Variants in EPM2A observed in about 807,000 individuals in gnomAD.
The protein encoded by EPM2A is EPM2A glucan phosphatase, laforin.
In EPM2A, 21 loss-of-function variants were observed where a neutral mutation model predicts 26.5. The ratio of observed to expected loss-of-function variants is 0.79; its 90% CI spans 0.56 to 1.14. The LOEUF is 1.14. EPM2A is among the 50% of genes most tolerant of loss of function. EPM2A has a pLI of 0.00. For missense variants in EPM2A, 458 were observed against 440.8 expected (o/e 1.04, Z -0.35); for synonymous variants, 217 against 177.6 (o/e 1.22, Z -1.76).
intron 1 of EPM2A, chr6:145,706,073 T>C: frequency 2.5e-6 from 1 of 405,234 alleles, no homozygotes; most frequent in South Asian, 1.8e-5. Flanking sequence ...TGACTACATA[T>C]TAGACAAGTA....
intron 2 of EPM2A, among the ~76,000 whole-genome samples, chr6:145,599,334 G>A (rs1316999125): frequency 6.6e-6 from 1 of 151,346 alleles, no homozygotes; most frequent in Non-Finnish European, 1.5e-5. Context: ...CTCCCTTTAG[G>A]TAATTTCTAC....
At chr6:145,548,315 A>G (rs767413656) in intron 2 of EPM2A, among the ~76,000 whole-genome samples, 9 of 152,142 alleles carry the variant, frequency 5.9e-5, no homozygotes, top group Non-Finnish European at 1.0e-4. Context: ...TGTAGCCTCA[A>G]ACATTTGCTC....
At chr6:145,695,259 A>C (rs1483700337) in intron 1 of EPM2A, among the ~76,000 whole-genome samples, 1 of 151,596 alleles carries the variant, frequency 6.6e-6, no homozygotes, top group Non-Finnish European at 1.5e-5. Flanking sequence ...GTTTTATGTA[A>C]ACCTCATGGT....
chr6:145,686,067 G>T, intron 2 of EPM2A, 55 bp downstream of exon 2: 3 of 1,486,064 alleles, frequency 2.0e-6, no homozygotes, highest in Non-Finnish European at 2.8e-6. Flanking sequence ...TTTCCATTGT[G>T]CTAATGCTAT....
chr6:145,443,992 T>G (rs1779100109), intron 4 of EPM2A, among the ~76,000 whole-genome samples: 1 of 152,220 alleles, frequency 6.6e-6, no homozygotes, highest in African/African-American at 2.4e-5. Flanking sequence ...CTCTTTATTT[T>G]CTTTTGTAAA....
At chr6:145,619,982 A>G (rs1775597666) in intron 2 of EPM2A, among the ~76,000 whole-genome samples, 1 of 152,230 alleles carries the variant, frequency 6.6e-6, no homozygotes, top group Non-Finnish European at 1.5e-5. Context: ...ACATATAAAC[A>G]TGGCTTAAGC....
intron 2 of EPM2A, among the ~76,000 whole-genome samples, chr6:145,678,581 T>C (rs1780249259): frequency 6.6e-6 from 1 of 151,934 alleles, no homozygotes; most frequent in South Asian, 2.1e-4. Context: ...CATCAAAAAG[T>C]GGGCAAAGGA....
At chr6:145,707,047 G>C (rs1782260693) in intron 1 of EPM2A, among the ~76,000 whole-genome samples, 1 of 152,182 alleles carries the variant, frequency 6.6e-6, no homozygotes, top group African/African-American at 2.4e-5. Flanking sequence ...TGGAAACAAA[G>C]AGAAAGCCAA....
intron 2 of EPM2A, among the ~76,000 whole-genome samples, chr6:145,529,472 AG>A (rs1434089363): frequency 6.6e-6 from 1 of 152,188 alleles, no homozygotes; most frequent in Admixed American, 6.6e-5. Context: ...ATAGCAAAAA[AG>A]GTTATGACTC....
chr6:145,531,881 T>G (rs1390005555), intron 2 of EPM2A, among the ~76,000 whole-genome samples: 1 of 152,192 alleles, frequency 6.6e-6, no homozygotes, highest in East Asian at 1.9e-4. Context: ...CCTGTTACAC[T>G]CTATTAAGCT....
intron 4 of EPM2A, among the ~76,000 whole-genome samples, chr6:145,389,211 T>C (rs933168698): frequency 6.6e-6 from 1 of 151,924 alleles, no homozygotes; most frequent in African/African-American, 2.4e-5. Flanking sequence ...TTTTCTTTTT[T>C]TTTTTTTAAG....
downstream of EPM2A, among the ~76,000 whole-genome samples, chr6:145,499,201 C>A (rs1779857942): frequency 6.6e-6 from 1 of 152,218 alleles, no homozygotes; most frequent in Admixed American, 6.5e-5. Flanking sequence ...ACATGGCATA[C>A]ATGGCTTTTC....
At chr6:145,559,711 C>T (rs1170244380) in intron 2 of EPM2A, among the ~76,000 whole-genome samples, 2 of 143,728 alleles carry the variant, frequency 1.4e-5, no homozygotes, top group Non-Finnish European at 3.0e-5. Flanking sequence ...GCTATTAACA[C>T]GTAAACACCA....
chr6:145,657,062 A>C (rs896555201), intron 2 of EPM2A, among the ~76,000 whole-genome samples: 1 of 151,530 alleles, frequency 6.6e-6, no homozygotes, highest in Non-Finnish European at 1.5e-5. Flanking sequence ...AATTATAATA[A>C]GGAAAAAAAT....
chr6:145,569,675 T>C (rs1780929834), intron 2 of EPM2A, among the ~76,000 whole-genome samples: 1 of 152,228 alleles, frequency 6.6e-6, no homozygotes, highest in African/African-American at 2.4e-5. Flanking sequence ...TGCATTTATA[T>C]GGCCAGATTT....
At chr6:145,632,954 A>G (rs6570701) in intron 3 of EPM2A, among the ~76,000 whole-genome samples, 69,167 of 152,014 alleles carry the variant, frequency 0.46, 16,311 homozygotes, top group African/African-American at 0.55. Context: ...CTCAAATGCC[A>G]CTGCACTGTC....
chr6:145,420,111 T>A (rs2114682632), intron 4 of EPM2A, among the ~76,000 whole-genome samples: 1 of 152,246 alleles, frequency 6.6e-6, no homozygotes, highest in African/African-American at 2.4e-5. Flanking sequence ...ATATGCTTGA[T>A]TTTAATTAAA....
chr6:145,397,058 T>A (rs1290167614), intron 4 of EPM2A, among the ~76,000 whole-genome samples: 2 of 152,208 alleles, frequency 1.3e-5, no homozygotes, highest in Non-Finnish European at 2.9e-5. Context: ...ACATTTCATG[T>A]GTCCTGCCTA....
chr6:145,575,299 C>T (rs1781015776), intron 2 of EPM2A, among the ~76,000 whole-genome samples: 1 of 152,160 alleles, frequency 6.6e-6, no homozygotes, highest in Admixed American at 6.5e-5. Flanking sequence ...GGTCTTCCCA[C>T]ACATCCCCAT....
Sources: allele counts gnomAD v4.1 joint callset (sites outside exome capture counted in the v4.1 genomes callset), GRCh38; gene constraint gnomAD v4.1.1; transcripts MANE v1.5; gene names NCBI Gene and HGNC (gene_info 2026-07-23, HGNC 2026-07-21).